ASTN2: variants seen among roughly 807,000 people sequenced by gnomAD.
The protein encoded by ASTN2 is astrotactin 2, also known as astrotactin-2.
A neutral mutation model predicts 139.8 loss-of-function variants in ASTN2; 54 were observed. The ratio of observed to expected loss-of-function variants is 0.39; its 90% CI spans 0.31 to 0.48. The LOEUF is 0.48. Ranked by LOEUF, ASTN2 falls within the 20% of genes least tolerant of loss-of-function variation. ASTN2 has a pLI of 0.95. For missense variants in ASTN2, 1,565 were observed against 1,725.1 expected (o/e 0.91, Z 1.64); for synonymous variants, 756 against 719.5 (o/e 1.05, Z -0.81).
At chr9:117,323,356 T>C (rs1376698167) in intron 1 of ASTN2, among the ~76,000 whole-genome samples, 2 of 151,208 alleles carry the variant, frequency 1.3e-5, no homozygotes, top group African/African-American at 2.4e-5. Context: ...CCTCAAAGAC[T>C]ACCACCACCA....
intron 16 of ASTN2, among the ~76,000 whole-genome samples, chr9:116,715,250 C>G (rs1828280460): frequency 6.6e-6 from 1 of 152,158 alleles, no homozygotes; most frequent in Non-Finnish European, 1.5e-5. Flanking sequence ...CAGCTGTGGA[C>G]AGAGGCAATG....
chr9:116,489,832 T>C (rs1248785500), intron 19 of ASTN2, among the ~76,000 whole-genome samples: 2 of 152,166 alleles, frequency 1.3e-5, no homozygotes, highest in African/African-American at 2.4e-5. Context: ...ACGAAGACAA[T>C]ACATGGTTCA....
At chr9:117,358,173 C>A (rs533676770) in intron 1 of ASTN2, among the ~76,000 whole-genome samples, 1 of 151,980 alleles carries the variant, frequency 6.6e-6, no homozygotes, top group Non-Finnish European at 1.5e-5. Flanking sequence ...TATTAGTTTC[C>A]CTACAGGAAG....
intron 5 of ASTN2, among the ~76,000 whole-genome samples, chr9:117,089,780 T>C (rs576233378): frequency 2.6e-5 from 4 of 152,194 alleles, no homozygotes; most frequent in African/African-American, 9.6e-5. Context: ...CATATGATGT[T>C]TGGTTTTCCA....
chr9:116,753,866 T>G (rs1369002434), intron 13 of ASTN2, among the ~76,000 whole-genome samples: 1 of 151,972 alleles, frequency 6.6e-6, no homozygotes, highest in East Asian at 1.9e-4. Flanking sequence ...CGTATACATG[T>G]GCCATAGGGG....
chr9:116,685,361 G>T (rs929522020), intron 16 of ASTN2, among the ~76,000 whole-genome samples: 1 of 152,146 alleles, frequency 6.6e-6, no homozygotes, highest in Non-Finnish European at 1.5e-5. Context: ...TCAGGGAGAT[G>T]ACTTGAGTAA....
At chr9:116,638,535 C>CA (rs35046233) in intron 17 of ASTN2, among the ~76,000 whole-genome samples, 62,965 of 146,760 alleles carry the variant, frequency 0.43, 13,760 homozygotes, top group Admixed American at 0.53. Flanking sequence ...GGGGAATTGC[C>CA]AAAAAAAAAA....
chr9:117,329,022 C>T (rs2130844938), intron 1 of ASTN2, among the ~76,000 whole-genome samples: 1 of 152,216 alleles, frequency 6.6e-6, no homozygotes, highest in Middle Eastern at 3.4e-3. Context: ...GAAAATGTGG[C>T]CTCTTGCTGT....
At chr9:117,056,475 A>C (rs906924383) in intron 5 of ASTN2, among the ~76,000 whole-genome samples, 1 of 152,214 alleles carries the variant, frequency 6.6e-6, no homozygotes, top group African/African-American at 2.4e-5. Context: ...TCTGCCTTGA[A>C]GGAGCCACAG....
intron 19 of ASTN2, among the ~76,000 whole-genome samples, chr9:116,560,000 G>A (rs779671119): frequency 2.0e-5 from 3 of 152,148 alleles, no homozygotes; most frequent in Non-Finnish European, 2.9e-5. Context: ...AGGTCTTGCT[G>A]GTTAATAAGT....
intron 19 of ASTN2, among the ~76,000 whole-genome samples, chr9:116,511,470 T>C (rs1428916290): frequency 6.6e-6 from 1 of 152,194 alleles, no homozygotes; most frequent in Non-Finnish European, 1.5e-5. Context: ...TTATCATTTT[T>C]TGTTGTGTCT....
intron 10 of ASTN2, among the ~76,000 whole-genome samples, chr9:116,968,247 T>C (rs184353764): frequency 5.9e-5 from 9 of 152,292 alleles, no homozygotes; most frequent in African/African-American, 2.2e-4. Flanking sequence ...TAGCACAATG[T>C]TCATTACACA....
intron 19 of ASTN2, among the ~76,000 whole-genome samples, chr9:116,516,542 G>A (rs186244160): frequency 1.9e-4 from 29 of 152,336 alleles, no homozygotes; most frequent in Admixed American, 1.0e-3. Context: ...ACAGAGCAGC[G>A]TGGGGAGACT....
chr9:117,244,128 A>G (rs555651449), intron 2 of ASTN2, among the ~76,000 whole-genome samples: 57 of 152,256 alleles, frequency 3.7e-4, no homozygotes, highest in African/African-American at 8.9e-4. Context: ...GCCACCATGT[A>G]AGACGTGCCT....
chr9:116,628,671 G>A (rs1361726291), intron 17 of ASTN2, among the ~76,000 whole-genome samples: 1 of 152,176 alleles, frequency 6.6e-6, no homozygotes, highest in African/African-American at 2.4e-5. Context: ...TTATACATTT[G>A]TAAAAACCCA....
intron 10 of ASTN2, among the ~76,000 whole-genome samples, chr9:116,936,147 T>TCAAAACTACCACTAAA (rs1554762788): frequency 3.4e-4 from 11 of 32,820 alleles, no homozygotes; most frequent in African/African-American, 1.3e-3. Context: ...CTGCCACCAA[T>TCAAAACTACCACTAAA]ACCACCACCT....
intron 5 of ASTN2, among the ~76,000 whole-genome samples, chr9:117,067,056 G>A (rs369321664): frequency 1.2e-5 from 1 of 86,722 alleles, no homozygotes; most frequent in Admixed American, 1.4e-4. Context: ...ATTGCTTTTG[G>A]TGTTTTAGAC....
chr9:116,660,168 G>GCA (rs3041004), intron 16 of ASTN2, among the ~76,000 whole-genome samples: 39,327 of 146,342 alleles, frequency 0.27, 5,185 homozygotes, highest in Middle Eastern at 0.35. Flanking sequence ...TATTGCAAGC[G>GCA]CACACACACA....
chr9:116,477,403 C>T (rs1002723411), intron 20 of ASTN2, among the ~76,000 whole-genome samples: 3 of 152,088 alleles, frequency 2.0e-5, no homozygotes, highest in South Asian at 4.2e-4. Flanking sequence ...GGACTGGACA[C>T]CACAGCCAAG....
Sources: allele counts gnomAD v4.1 joint callset (sites outside exome capture counted in the v4.1 genomes callset), GRCh38; gene constraint gnomAD v4.1.1; transcripts MANE v1.5; gene names NCBI Gene and HGNC (gene_info 2026-07-23, HGNC 2026-07-21).